The following ENTREP2 variants were observed in gnomAD, a reference collection of about 807,000 sequenced individuals.
The protein encoded by ENTREP2 is endosomal transmembrane epsin interactor 2.
chr15:29,517,867 T>A, the ENTREP2 span, among the ~76,000 whole-genome samples: 1 of 152,190 alleles, frequency 6.6e-6, no homozygotes, highest in South Asian at 2.1e-4. Flanking sequence ...TGTATTCACC[T>A]TGCAAAATAA....
chr15:29,441,517 G>A, the ENTREP2 span, among the ~76,000 whole-genome samples: 30 of 152,288 alleles, frequency 2.0e-4, no homozygotes, highest in Admixed American at 1.2e-3. Flanking sequence ...CTGCTCCCCA[G>A]CTCTCGTTCT....
At chr15:29,295,944 G>A in the ENTREP2 span, among the ~76,000 whole-genome samples, 5 of 152,310 alleles carry the variant, frequency 3.3e-5, no homozygotes, top group South Asian at 4.1e-4. Flanking sequence ...TGGGGAAGAG[G>A]GGACTGCTGT....
the ENTREP2 span, among the ~76,000 whole-genome samples, chr15:29,159,188 G>C: frequency 6.6e-6 from 1 of 151,932 alleles, no homozygotes; most frequent in Non-Finnish European, 1.5e-5. Context: ...GTTTTTTCTG[G>C]TGGGTTTGTG....
At chr15:29,639,798 C>T in the ENTREP2 span, among the ~76,000 whole-genome samples, 1 of 143,354 alleles carries the variant, frequency 7.0e-6, no homozygotes, top group African/African-American at 2.7e-5. Flanking sequence ...GACGAAGTCT[C>T]ACTCTTGTCA....
chr15:29,123,784 G>C, the ENTREP2 span: 1 of 902,590 alleles, frequency 1.1e-6, no homozygotes, highest in Non-Finnish European at 1.6e-6. Flanking sequence ...GGCGCTCTGG[G>C]CATGCCCTGC....
At chr15:29,150,991 G>T in the ENTREP2 span, among the ~76,000 whole-genome samples, 2 of 152,132 alleles carry the variant, frequency 1.3e-5, no homozygotes, top group Admixed American at 1.3e-4. Context: ...CGTGCGCATA[G>T]ATATTCCTAC....
At chr15:29,449,269 G>A in the ENTREP2 span, among the ~76,000 whole-genome samples, 1 of 152,180 alleles carries the variant, frequency 6.6e-6, no homozygotes, top group Non-Finnish European at 1.5e-5. Flanking sequence ...TCCAAACTAG[G>A]AGAAGCTCAG....
chr15:29,639,894 G>A, the ENTREP2 span, among the ~76,000 whole-genome samples: 2 of 151,414 alleles, frequency 1.3e-5, no homozygotes, highest in Non-Finnish European at 2.9e-5. Context: ...TCAGCCTCCT[G>A]AGTAGCTGGG....
the ENTREP2 span, among the ~76,000 whole-genome samples, chr15:29,360,699 G>A: frequency 6.6e-6 from 1 of 152,294 alleles, no homozygotes; most frequent in Admixed American, 6.5e-5. Flanking sequence ...CGTGGAACAG[G>A]AGACCGAGGA....
the ENTREP2 span, among the ~76,000 whole-genome samples, chr15:29,224,394 C>G: frequency 6.6e-6 from 1 of 152,130 alleles, no homozygotes; most frequent in Non-Finnish European, 1.5e-5. Context: ...GGGAACTGCG[C>G]CGGGTTGCCA....
chr15:29,210,733 G>T, the ENTREP2 span, among the ~76,000 whole-genome samples: 1 of 152,162 alleles, frequency 6.6e-6, no homozygotes, highest in Non-Finnish European at 1.5e-5. Context: ...GCTTCTCTGT[G>T]TGGTCTTGCC....
chr15:29,510,283 G>T, the ENTREP2 span, among the ~76,000 whole-genome samples: 4 of 152,158 alleles, frequency 2.6e-5, no homozygotes, highest in Non-Finnish European at 5.9e-5. Flanking sequence ...CAACAGGAAC[G>T]CTTTTACACC....
At chr15:29,584,870 C>T in the ENTREP2 span, among the ~76,000 whole-genome samples, 2 of 152,092 alleles carry the variant, frequency 1.3e-5, no homozygotes, top group South Asian at 4.1e-4. Context: ...TTTACTTAAT[C>T]ATGGAAACAA....
chr15:29,253,453 T>TC, the ENTREP2 span, among the ~76,000 whole-genome samples: 129 of 19,346 alleles, frequency 6.7e-3, no homozygotes, highest in South Asian at 0.011. Flanking sequence ...TCTCTCTCTC[T>TC]TTTTTTTTTT....
the ENTREP2 span, among the ~76,000 whole-genome samples, chr15:29,455,882 G>C: frequency 6.6e-6 from 1 of 152,190 alleles, no homozygotes; most frequent in Non-Finnish European, 1.5e-5. Context: ...GATCTAGGTT[G>C]TGGCTCCTTA....
chr15:29,327,109 G>T, the ENTREP2 span, among the ~76,000 whole-genome samples: 1 of 152,086 alleles, frequency 6.6e-6, no homozygotes, highest in Non-Finnish European at 1.5e-5. Context: ...AACTATAAAA[G>T]TTCTTTAAGA....
At chr15:29,337,040 T>C in the ENTREP2 span, among the ~76,000 whole-genome samples, 3 of 152,178 alleles carry the variant, frequency 2.0e-5, no homozygotes, top group African/African-American at 4.8e-5. Flanking sequence ...TGTTCATTTG[T>C]TTGATGTGAA....
the ENTREP2 span, among the ~76,000 whole-genome samples, chr15:29,389,176 A>C: frequency 6.6e-6 from 1 of 152,048 alleles, no homozygotes; most frequent in African/African-American, 2.4e-5. Context: ...AAAGAATGCA[A>C]GTCAGGAAGG....
chr15:29,342,293 T>TC, the ENTREP2 span, among the ~76,000 whole-genome samples: 3 of 152,194 alleles, frequency 2.0e-5, no homozygotes, highest in Admixed American at 2.0e-4. Context: ...GTTCCATGCA[T>TC]CTTGATTCCA....
Sources: allele counts gnomAD v4.1 joint callset (sites outside exome capture counted in the v4.1 genomes callset), GRCh38; gene constraint gnomAD v4.1.1; transcripts MANE v1.5; gene names NCBI Gene and HGNC (gene_info 2026-07-23, HGNC 2026-07-21).